DAB1: variants seen among roughly 807,000 people sequenced by gnomAD.
DAB1 encodes the protein disabled homolog 1.
A neutral mutation model predicts 64.6 loss-of-function variants in DAB1; 15 were observed. The ratio of observed to expected loss-of-function variants is 0.23; its 90% CI spans 0.16 to 0.36. DAB1 has a LOEUF of 0.36. Among genes scored for constraint, DAB1 ranks in the 10% least tolerant of loss-of-function variants. The probability of loss-of-function intolerance (pLI) is 1.00; values close to 1 mark genes in which losing one functional copy is unlikely to be tolerated. For synonymous variants in DAB1, 235 were observed against 251.9 expected (o/e 0.93, Z 0.64); for missense variants, 596 against 706.7 (o/e 0.84, Z 1.78).
intron 4 of DAB1, among the ~76,000 whole-genome samples, chr1:57,103,310 G>A (rs1263003158): frequency 6.6e-6 from 1 of 152,092 alleles, no homozygotes; most frequent in Non-Finnish European, 1.5e-5. Flanking sequence ...TTCTCCTCAG[G>A]TGCCAACACC....
At position 58,481,858 on chromosome 1, in the gene DAB1, C is replaced by T. The variant is rs780496213; in HGVS notation, n.257+24202G>A. Among the ~76,000 whole-genome samples, 7 of 152,300 alleles carry T rather than the reference C, an allele frequency of 4.6e-5. No homozygotes were observed. In the East Asian group the frequency reaches 5.8e-4, roughly 13 times the overall value. ...GTAAGACATGACTTTTCTCCTCATT[C>T]GCCTTCCACCATGATTGTGAGGCCA... On this transcript the variant is annotated intron_variant and non_coding_transcript_variant, in intron 3 of 20. Transcript: ENST00000485760.
intron 4 of DAB1, among the ~76,000 whole-genome samples, chr1:58,155,307 C>G (rs1655162746): frequency 6.6e-6 from 1 of 152,192 alleles, no homozygotes; most frequent in African/African-American, 2.4e-5. Context: ...GAACATCTGG[C>G]AATGTCTGAA....
intron 1 of DAB1, among the ~76,000 whole-genome samples, chr1:57,391,258 T>C (rs1411103091): frequency 2.0e-5 from 3 of 152,124 alleles, no homozygotes; most frequent in Admixed American, 2.0e-4. Context: ...AAGAAGAATA[T>C]AATAAACACA....
intron 7 of DAB1, among the ~76,000 whole-genome samples, chr1:57,530,950 GT>G (rs1459961166): frequency 6.6e-6 from 1 of 152,160 alleles, no homozygotes; most frequent in Non-Finnish European, 1.5e-5. Context: ...AGAATCTTTT[GT>G]TGGTGTTGGC....
At chr1:57,344,618 G>A (rs950195235) in intron 1 of DAB1, among the ~76,000 whole-genome samples, 4 of 151,794 alleles carry the variant, frequency 2.6e-5, no homozygotes, top group African/African-American at 4.8e-5. Context: ...TAGAGGTTTC[G>A]GCAAAAACAA....
chr1:57,096,496 G>A (rs181515702), intron 4 of DAB1, among the ~76,000 whole-genome samples: 29 of 152,162 alleles, frequency 1.9e-4, no homozygotes, highest in East Asian at 5.8e-4. Flanking sequence ...ACATACAAAC[G>A]AAGCCTGTAT....
chr1:57,276,351 CT>C (rs1345709841), intron 2 of DAB1, among the ~76,000 whole-genome samples: 3 of 152,224 alleles, frequency 2.0e-5, no homozygotes, highest in Non-Finnish European at 2.9e-5. Context: ...GGAGAAACTG[CT>C]GTAATCATTA....
intron 3 of DAB1, among the ~76,000 whole-genome samples, chr1:58,397,437 T>C (rs1033392752): frequency 1.3e-5 from 2 of 152,132 alleles, no homozygotes; most frequent in Non-Finnish European, 2.9e-5. Context: ...GAAGGTCACA[T>C]ACTCCAGGGC....
At chr1:57,905,004 C>A (rs535239219) in intron 5 of DAB1, among the ~76,000 whole-genome samples, 2 of 152,156 alleles carry the variant, frequency 1.3e-5, no homozygotes, top group Admixed American at 6.5e-5. Context: ...TAATAGCTAA[C>A]ATTTATTGAT....
At chr1:57,642,236 TAC>T (rs1268705211) in intron 7 of DAB1, among the ~76,000 whole-genome samples, 1 of 152,146 alleles carries the variant, frequency 6.6e-6, no homozygotes, top group Non-Finnish European at 1.5e-5. Flanking sequence ...AAATATAATA[TAC>T]CATGTTAAGT....
intron 2 of DAB1, among the ~76,000 whole-genome samples, chr1:57,157,626 A>T (rs1310756637): frequency 6.6e-6 from 1 of 152,144 alleles, no homozygotes; most frequent in Non-Finnish European, 1.5e-5. Flanking sequence ...TCCTCTTCTT[A>T]CAAAGCCACT....
At chr1:58,362,116 C>T (rs1644173302) in intron 3 of DAB1, among the ~76,000 whole-genome samples, 1 of 152,048 alleles carries the variant, frequency 6.6e-6, no homozygotes, top group African/African-American at 2.4e-5. Context: ...ATCATATTCC[C>T]ATGGAATGTT....
intron 1 of DAB1, among the ~76,000 whole-genome samples, chr1:57,310,118 A>AAATC (rs1329515747): frequency 2.0e-5 from 3 of 152,348 alleles, no homozygotes; most frequent in African/African-American, 7.2e-5. Flanking sequence ...GGTGGACAAT[A>AAATC]AATCAATCAA....
chr1:58,156,316 A>T (rs994528574), intron 4 of DAB1, among the ~76,000 whole-genome samples: 1 of 152,208 alleles, frequency 6.6e-6, no homozygotes, highest in Non-Finnish European at 1.5e-5. Flanking sequence ...GTAGCAAAAA[A>T]AGTAGCTTCT....
intron 6 of DAB1, among the ~76,000 whole-genome samples, chr1:57,733,939 A>T (rs1462791316): frequency 6.6e-6 from 1 of 152,134 alleles, no homozygotes; most frequent in Non-Finnish European, 1.5e-5. Context: ...TTAGGAGTTC[A>T]GGAAAGGTGG....
chr1:57,280,278 G>A, intron 2 of DAB1, among the ~76,000 whole-genome samples: 1 of 152,174 alleles, frequency 6.6e-6, no homozygotes, highest in East Asian at 1.9e-4. Context: ...CCTCTCCTCT[G>A]CCTTTGATCT....
At chr1:57,363,047 T>C (rs952580072) in intron 1 of DAB1, among the ~76,000 whole-genome samples, 20 of 152,204 alleles carry the variant, frequency 1.3e-4, no homozygotes, top group Non-Finnish European at 2.9e-4. Context: ...TACAATGAAT[T>C]TGCCCTGTAA....
intron 12 of DAB1, among the ~76,000 whole-genome samples, chr1:57,014,585 T>C (rs1163054127): frequency 6.6e-6 from 1 of 152,202 alleles, no homozygotes; most frequent in East Asian, 1.9e-4. Context: ...TCAATACCAC[T>C]TTGTCTATTG....
chr1:57,786,280 T>C (rs796560372), intron 6 of DAB1, among the ~76,000 whole-genome samples: 11 of 152,312 alleles, frequency 7.2e-5, no homozygotes, highest in African/African-American at 2.4e-4. Flanking sequence ...AACTTCGTTG[T>C]GGCCTGGCAC....
Sources: gnomAD v4.1 joint callset for allele counts (sites outside exome capture counted in the v4.1 genomes callset) on GRCh38, gnomAD v4.1.1 for gene constraint, MANE v1.5 for transcripts, NCBI Gene and HGNC (gene_info 2026-07-23, HGNC 2026-07-21) for gene names.